Variants in RPL37A observed in about 807,000 individuals in gnomAD.
RPL37A encodes the protein ribosomal protein L37a.
Under a neutral mutation model 13.6 loss-of-function variants are expected in RPL37A, and 5 were observed. That is an observed-to-expected ratio of 0.37 (90% confidence interval 0.19 to 0.78). The LOEUF is 0.78. RPL37A is among the 30% of genes least tolerant of loss of function. The pLI, the probability that RPL37A is intolerant of heterozygous loss-of-function variation, is 0.49. For missense variants in RPL37A, 77 were observed against 120.0 expected (o/e 0.64, Z 1.67); for synonymous variants, 50 against 44.4 (o/e 1.13, Z -0.50).
At position 216,502,890 on chromosome 2, in the gene RPL37A, G is replaced by A. The variant is rs1003954182; in HGVS notation, c.*1486G>A. 2 of 152,082 alleles carry A rather than the reference G, an allele frequency of 1.3e-5. No individual in the cohort carries two copies. Among genetic ancestry groups the A allele is most frequent in the Admixed American group, 6.5e-5 (1 of 15,278 alleles). The allele number at this position is 152,082 out of a possible 1,614,324, so 9.4% of individuals were successfully genotyped here. On this transcript the variant is annotated 3_prime_UTR_variant, in exon 4 of 4. Coordinates refer to ENST00000491306, the MANE Select transcript of RPL37A (RefSeq NM_000998.5). ...CTGCATTGCCTCTGGCAGAAACATC[G>A]CTACCCCAGGAGAATACTTCACTGG...
intron 3 of RPL37A, chr2:216,500,289 A>G (rs1695577212): frequency 1.9e-6 from 1 of 530,452 alleles, no homozygotes; most frequent in South Asian, 2.1e-5. Context: ...TGTTGTGAAC[A>G]TTGTCATGAT....
chr2:216,499,223 G>T (rs777005817), intron 1 of RPL37A, 47 bp from the exon 2 acceptor site: 2 of 1,588,234 alleles, frequency 1.3e-6, no homozygotes, highest in South Asian at 1.1e-5. Context: ...TCCAGGGCCT[G>T]CCTGGGTTCC....
In RPL37A at chr2:216,498,854, T is replaced by G. The variant is rs781242814; in HGVS notation, c.-21T>G. The G allele has an allele frequency of 6.2e-7, 1 of 1,614,020 alleles. No homozygotes were observed. Among genetic ancestry groups the G allele is most frequent in the Non-Finnish European group, 8.5e-7 (1 of 1,179,978 alleles). ...GCACCGCGTCTCTTCCTTTCTGGGC[T>G]CGGACCTAGGTCGCGGCGACATGGT... On this transcript the variant is annotated 5_prime_UTR_variant, in exon 1 of 4. Coordinates refer to ENST00000491306, the MANE Select transcript of RPL37A (RefSeq NM_000998.5).
chr2:216,500,266 T>G, intron 3 of RPL37A: 1 of 566,868 alleles, frequency 1.8e-6, no homozygotes, highest in Non-Finnish European at 3.1e-6. Context: ...AATTTGATGG[T>G]CACTGGGCAC....
rs1347565903 is a variant in RPL37A, at chr2:216,498,865, T to C, written c.-10T>C. The C allele has an allele frequency of 6.2e-7, 1 of 1,613,952 alleles. No homozygotes were observed. The highest frequency in any genetic ancestry group is 1.3e-5 in the African/African-American group (1 of 74,906). On this transcript the variant is annotated 5_prime_UTR_variant, in exon 1 of 4. Coordinates refer to ENST00000491306, the MANE Select transcript of RPL37A (RefSeq NM_000998.5). ...CTTCCTTTCTGGGCTCGGACCTAGG[T>C]CGCGGCGACATGGTGAGTGTGGGTC...
chr2:216,502,957 A>T lies in RPL37A; in HGVS notation c.*1553A>T, dbSNP rs1471649788. On this transcript the variant is annotated 3_prime_UTR_variant, in exon 4 of 4. Coordinates refer to ENST00000491306, the MANE Select transcript of RPL37A (RefSeq NM_000998.5). ...ATCCATAGCAGTAACTCATCTGTGG[A>T]TCTCATTTGTGTCACAAAATGGTAC... 6.6e-6 allele frequency: 1 copy of T among 152,144 alleles called. No homozygotes were observed. The highest frequency in any genetic ancestry group is 2.4e-5 in the African/African-American group (1 of 41,432). 9.4% of individuals were successfully genotyped at this position (152,144 alleles called of 1,614,324 possible).
In RPL37A at chr2:216,499,935, G is replaced by T; in HGVS notation, c.133-14G>T. On this transcript the variant is annotated splice_polypyrimidine_tract_variant and intron_variant, in intron 2 of 3. Transcript: ENST00000491306. ...CTTACTTGGTTCATAGTGAAAATTG[G>T]TTCTCTTTTATAGACCAAGATGAAG... 5.0e-6 allele frequency: 8 copies of T among 1,609,824 alleles called. No homozygotes were observed. The highest frequency in any genetic ancestry group is 6.8e-6 in the Non-Finnish European group (8 of 1,176,118).
intron 1 of RPL37A, 121 bp from the exon 2 acceptor site, chr2:216,499,149 T>C (rs1286709198): frequency 1.5e-6 from 2 of 1,308,268 alleles, no homozygotes; most frequent in East Asian, 2.3e-5. Flanking sequence ...TAGGGAAAAC[T>C]AGGTCATATG....
chr2:216,498,972 G>T lies in RPL37A; in HGVS notation c.3+95G>T, dbSNP rs1574496570. On this transcript the variant is annotated intron_variant, in intron 1 of 3. Transcript: ENST00000491306. ...CCCATCTCCTCTCCTGCCTTACCCC[G>T]TGTTCTCTCCTGTCTCCATGCCTTT... 3.9e-6 allele frequency: 6 copies of T among 1,531,376 alleles called. No individual in the cohort carries two copies. The East Asian group carries it at 1.4e-4, about 35-fold the overall frequency. The allele number at this position is 1,531,376 out of a possible 1,614,324, so 94.9% of individuals were successfully genotyped here. A position where few individuals can be genotyped will look rare whatever the true frequency, so the allele number is the denominator to read the frequency against.
intron 3 of RPL37A, chr2:216,500,341 G>A: frequency 2.7e-6 from 1 of 372,500 alleles, no homozygotes. Context: ...ACTGAACGTT[G>A]ATTTGCACTG....
At chr2:216,499,754 A>G in intron 2 of RPL37A, 195 bp from the exon 3 acceptor site, 1 of 706,500 alleles carries the variant, frequency 1.4e-6, no homozygotes, top group Non-Finnish European at 2.6e-6. Context: ...TTGTTCTGCG[A>G]GGGATTTTTG....
Position 216,503,567 on chromosome 2 carries a change from G to T in RPL37A, c.*2163G>T, listed in dbSNP as rs1212583482. 2 of 152,076 alleles carry T rather than the reference G, an allele frequency of 1.3e-5. No homozygotes were observed. Among genetic ancestry groups the T allele is most frequent in the East Asian group, 3.9e-4 (2 of 5,186 alleles). 9.4% of individuals were successfully genotyped at this position (152,076 alleles called of 1,614,324 possible). A position where few individuals can be genotyped will look rare whatever the true frequency, so the allele number is the denominator to read the frequency against. ...ATGCCACAAAGCTCAGCTAGTTTTT[G>T]TATTTTTTATTTTTAGTAGAGATGG... On this transcript the variant is annotated 3_prime_UTR_variant, in exon 4 of 4. Transcript: ENST00000491306.
At chr2:216,499,010 A>C in intron 1 of RPL37A, 133 bp downstream of exon 1, 9 of 1,372,424 alleles carry the variant, frequency 6.6e-6, no homozygotes, top group Non-Finnish European at 8.2e-6. Context: ...AGGAGACACC[A>C]TTGTCGGAAG....
Position 216,502,565 on chromosome 2 carries a change from C to T in RPL37A, c.*1161C>T, listed in dbSNP as rs751617902. The T allele has an allele frequency of 2.0e-5, 3 of 152,158 alleles. No homozygotes were observed. The highest frequency in any genetic ancestry group is 4.4e-5 in the Non-Finnish European group (3 of 68,042). The allele number at this position is 152,158 out of a possible 1,614,324, so 9.4% of individuals were successfully genotyped here. ...AAAAAATGAATTGCCTTGGAGAATT[C>T]GAGTTATTTTAGGCCTGCCTTTGAC... On this transcript the variant is annotated 3_prime_UTR_variant, in exon 4 of 4. Transcript: ENST00000491306.
rs555735838 is a variant in RPL37A at position 216,502,171 on chromosome 2, A to G, written c.*767A>G. The G allele has an allele frequency of 6.6e-6, 1 of 152,324 alleles. No homozygotes were observed. The highest frequency in any genetic ancestry group is 1.9e-4 in the East Asian group (1 of 5,162). 9.4% of individuals were successfully genotyped at this position (152,324 alleles called of 1,614,324 possible). On this transcript the variant is annotated 3_prime_UTR_variant, in exon 4 of 4. Transcript: ENST00000491306. The stretch of plus-strand genomic sequence containing the variant: ...GCAAAAACCCGTCTCGACGAAAAAT[A>G]CAAAAAATAGCTTGGTATGGTGGCA...
rs1161409758 is a variant in RPL37A at position 216,503,225 on chromosome 2, A to G, written c.*1821A>G. 6.6e-6 allele frequency: 1 copy of G among 152,190 alleles called. No individual in the cohort carries two copies. The highest frequency in any genetic ancestry group is 1.5e-5 in the Non-Finnish European group (1 of 68,046). 9.4% of individuals were successfully genotyped at this position (152,190 alleles called of 1,614,324 possible). The stretch of plus-strand genomic sequence containing the variant: ...ACCAACTTAGCCAAACTGCCTAGAT[A>G]GTTGGGTGACTTGGGTTAAGTGACT... On this transcript the variant is annotated 3_prime_UTR_variant, in exon 4 of 4. Transcript: ENST00000491306.
At position 216,498,880 on chromosome 2, in the gene RPL37A, G is replaced by T. The variant is rs147260036; in HGVS notation, c.3+3G>T. 5.6e-6 allele frequency: 9 copies of T among 1,613,982 alleles called. No individual in the cohort carries two copies. Among genetic ancestry groups the T allele is most frequent in the Non-Finnish European group, 7.6e-6 (9 of 1,179,948 alleles). On this transcript the variant is annotated splice_donor_region_variant and intron_variant, in intron 1 of 3. Transcript: ENST00000491306. ...CGGACCTAGGTCGCGGCGACATGGT[G>T]AGTGTGGGTCTCTGTGCGGCCTAGA...
In RPL37A at chr2:216,503,920, C is replaced by A. The variant is rs1480606762; in HGVS notation, c.*2516C>A. The A allele has an allele frequency of 1.3e-5, 2 of 152,154 alleles. No homozygotes were observed. Among genetic ancestry groups the A allele is most frequent in the Non-Finnish European group, 2.9e-5 (2 of 68,040 alleles). 9.4% of individuals were successfully genotyped at this position (152,154 alleles called of 1,614,324 possible). On this transcript the variant is annotated 3_prime_UTR_variant, in exon 4 of 4. Coordinates refer to ENST00000491306, the MANE Select transcript of RPL37A (RefSeq NM_000998.5). The stretch of plus-strand genomic sequence containing the variant: ...CCTTCTATTTTATGGGCTCAGTATT[C>A]CTTACCTGCCTCTTCCCATGCTAAA...
At position 216,502,228 on chromosome 2, in the gene RPL37A, C is replaced by T. The variant is rs951699669; in HGVS notation, c.*824C>T. The T allele has an allele frequency of 2.0e-5, 3 of 152,102 alleles. No individual in the cohort carries two copies. Among genetic ancestry groups the T allele is most frequent in the African/African-American group, 4.8e-5 (2 of 41,430 alleles). The allele number at this position is 152,102 out of a possible 1,614,324, so 9.4% of individuals were successfully genotyped here. On this transcript the variant is annotated 3_prime_UTR_variant, in exon 4 of 4. Transcript: ENST00000491306. ...TGTAATCCCAGCTACTTTGGAGGCT[C>T]AGGCACAAGAATCACTTGAACCTAC...
Sources: gnomAD v4.1 joint callset for allele counts on GRCh38, gnomAD v4.1.1 for gene constraint, MANE v1.5 for transcripts, NCBI Gene and HGNC (gene_info 2026-07-23, HGNC 2026-07-21) for gene names.